DNASE1: variants seen among roughly 807,000 people sequenced by gnomAD.
DNASE1 encodes the protein deoxyribonuclease-1.
Under a neutral mutation model 33.9 loss-of-function variants are expected in DNASE1, and 40 were observed. The observed-to-expected ratio is 1.18, with a 90% CI of 0.92 to 1.54. The LOEUF (loss-of-function observed/expected upper bound fraction) is 1.54, where lower values mean the gene tolerates loss of function less well. Ranked by LOEUF, DNASE1 falls within the 40% of genes most tolerant of loss-of-function variation. The pLI is 0.00. For missense variants in DNASE1, 518 were observed against 372.6 expected (o/e 1.39, Z -3.21); for synonymous variants, 216 against 160.0 (o/e 1.35, Z -2.64).
intron 1 of DNASE1, among the ~76,000 whole-genome samples, chr16:3,619,986 C>A (rs1262558515): frequency 6.7e-6 from 1 of 149,644 alleles, no homozygotes; most frequent in Non-Finnish European, 1.5e-5. Flanking sequence ...CATAATCTCG[C>A]CTCACTGCAA....
chr16:3,628,105 A>G (rs184147455), intron 1 of DNASE1, among the ~76,000 whole-genome samples: 4 of 152,100 alleles, frequency 2.6e-5, no homozygotes, highest in African/African-American at 7.2e-5. Flanking sequence ...TTATATCTTC[A>G]TTAATTTCTT....
At chr16:3,626,102 A>G (rs899935232) in intron 1 of DNASE1, among the ~76,000 whole-genome samples, 1 of 152,174 alleles carries the variant, frequency 6.6e-6, no homozygotes, top group East Asian at 1.9e-4. Flanking sequence ...TCTATCTCAA[A>G]AAGGGTGTAA....
chr16:3,656,767 G>C lies in DNASE1; in HGVS notation c.436+14G>C, dbSNP rs1596653443. The C allele has an allele frequency of 6.3e-7, 1 of 1,592,754 alleles. No individual in the cohort carries two copies. The highest frequency in any genetic ancestry group is 8.5e-7 in the Non-Finnish European group (1 of 1,169,870). ...CCCGGTTCACAGGTGGGTGCTGCCT[G>C]GGCCAGGGTGGGGCTCGGCTTGGCG... On this transcript the variant is annotated intron_variant, in intron 5 of 8. Coordinates refer to ENST00000246949, the MANE Select transcript of DNASE1 (RefSeq NM_005223.4).
chr16:3,615,981 A>C (rs528632763), intron 1 of DNASE1, among the ~76,000 whole-genome samples: 1 of 152,340 alleles, frequency 6.6e-6, no homozygotes, highest in Non-Finnish European at 1.5e-5. Flanking sequence ...AGATTGAACA[A>C]GGAAAGAATT....
downstream of DNASE1, chr16:3,662,900 C>T (rs377480920): frequency 1.5e-5 from 25 of 1,613,408 alleles, no homozygotes; most frequent in Middle Eastern, 1.6e-4. Flanking sequence ...TGGTGACACG[C>T]GACCCCAGCA....
chr16:3,662,193 A>C (rs1053709762), downstream of DNASE1: 14 of 1,568,040 alleles, frequency 8.9e-6, no homozygotes, highest in Non-Finnish European at 1.1e-5. Flanking sequence ...GGCTGGCAGG[A>C]TCTTACCAGG....
chr16:3,627,716 A>G (rs189218574), intron 1 of DNASE1, among the ~76,000 whole-genome samples: 1 of 152,332 alleles, frequency 6.6e-6, no homozygotes, highest in African/African-American at 2.4e-5. Context: ...TCATTTGACC[A>G]TATATGCCAG....
At chr16:3,650,602 TC>T (rs1383422033), upstream of DNASE1, 24 of 114,334 alleles carry the variant, frequency 2.1e-4, no homozygotes, top group East Asian at 4.1e-3. Flanking sequence ...ATATGGTCAT[TC>T]AAAAAAAAAA....
At chr16:3,642,659 G>T, upstream of DNASE1, among the ~76,000 whole-genome samples, 1 of 152,336 alleles carries the variant, frequency 6.6e-6, no homozygotes. Flanking sequence ...GTGATTCGTG[G>T]TGAGGAATAG....
upstream of DNASE1, among the ~76,000 whole-genome samples, chr16:3,639,691 G>A (rs549593142): frequency 6.6e-6 from 1 of 152,274 alleles, no homozygotes; most frequent in South Asian, 2.1e-4. Flanking sequence ...CTACCATGTG[G>A]TTTCTGTCCC....
chr16:3,657,840 C>G (rs1567214146), intron 8 of DNASE1, 24 bp downstream of exon 8: 1 of 1,614,010 alleles, frequency 6.2e-7, no homozygotes, highest in Non-Finnish European at 8.5e-7. Context: ...CTTGCACAGC[C>G]ACATGAGGAT....
In DNASE1 at chr16:3,655,816, C is replaced by T. The variant is rs1403533418; in HGVS notation, c.148-33C>T. The T allele has an allele frequency of 6.8e-6, 11 of 1,610,906 alleles. No individual in the cohort carries two copies. The Middle Eastern group carries it at 8.7e-4, about 128-fold the overall frequency. ...CTGTAGGGTCCCTGGGTGGCACCAGCCCTGCTCAGCACCACTGTGGCCCTG... is the reference window on the plus strand; with the variant it reads ...CTGTAGGGTCCCTGGGTGGCACCAGTCCTGCTCAGCACCACTGTGGCCCTG... On this transcript the variant is annotated intron_variant, in intron 2 of 8. Coordinates refer to ENST00000246949, the MANE Select transcript of DNASE1 (RefSeq NM_005223.4).
intron 1 of DNASE1, among the ~76,000 whole-genome samples, chr16:3,629,974 C>T (rs527842940): frequency 3.9e-5 from 6 of 151,938 alleles, no homozygotes; most frequent in South Asian, 4.2e-4. Flanking sequence ...CCACCATGCG[C>T]GGCTAATTTT....
At chr16:3,662,661 T>TG, downstream of DNASE1, 1 of 686,982 alleles carries the variant, frequency 1.5e-6, no homozygotes. Flanking sequence ...AGTTCACACC[T>TG]GCTCTGGAGC....
upstream of DNASE1, chr16:3,654,134 AAAG>A: frequency 2.7e-6 from 1 of 372,878 alleles, no homozygotes; most frequent in Non-Finnish European, 4.8e-6. Context: ...ACCCAAAACA[AAAG>A]AACCAAGAAA....
intron 1 of DNASE1, among the ~76,000 whole-genome samples, chr16:3,614,775 A>G (rs1220932639): frequency 6.6e-6 from 1 of 152,224 alleles, no homozygotes; most frequent in East Asian, 1.9e-4. Flanking sequence ...AAAATATCAT[A>G]GGATACAGAA....
chr16:3,659,058 C>T, downstream of DNASE1: 2 of 594,564 alleles, frequency 3.4e-6, no homozygotes, highest in South Asian at 2.5e-5. Context: ...TCAGGAGTGT[C>T]AGTATTAGAA....
chr16:3,663,396 C>G lies in DNASE1; in HGVS notation c.*5443C>G, dbSNP rs375677847. ...GGCGTGCGGGGAGTGGAAACCAGCC[C>G]CACGCCTAGAGAGCAGGGGATGCCG... On this transcript the variant is annotated 3_prime_UTR_variant, in exon 10 of 10. Coordinates refer to the DNASE1 transcript ENST00000407479. 9.9e-6 allele frequency: 16 copies of G among 1,613,352 alleles called. No individual in the cohort carries two copies. The African/African-American group carries it at 1.7e-4, about 17-fold the overall frequency.
At chr16:3,641,344 C>G (rs186516724), upstream of DNASE1, 1 of 162,314 alleles carries the variant, frequency 6.2e-6, no homozygotes, top group Non-Finnish European at 1.3e-5. Context: ...CTGCTCTCCT[C>G]CTGGGGTGCT....
Sources: allele counts gnomAD v4.1 joint callset (sites outside exome capture counted in the v4.1 genomes callset), GRCh38; gene constraint gnomAD v4.1.1; transcripts MANE v1.5; gene names NCBI Gene and HGNC (gene_info 2026-07-23, HGNC 2026-07-21).